ADAMTS17: variants seen among roughly 807,000 people sequenced by gnomAD.
The protein encoded by ADAMTS17 is A disintegrin and metalloproteinase with thrombospondin motifs 17.
ADAMTS17 carries 113 observed loss-of-function variants against 141.5 expected under a neutral mutation model. The ratio of observed to expected loss-of-function variants is 0.80; its 90% CI spans 0.69 to 0.93. ADAMTS17 has a LOEUF of 0.93. Ranked by LOEUF, ADAMTS17 falls within the 40% of genes least tolerant of loss-of-function variation. The pLI is 0.00. For synonymous variants in ADAMTS17, 768 were observed against 630.6 expected (o/e 1.22, Z -3.27); for missense variants, 1,659 against 1,517.9 (o/e 1.09, Z -1.54).
At chr15:100,152,803 C>A in intron 9 of ADAMTS17, 41 bp from the exon 10 acceptor site, 1 of 1,608,194 alleles carries the variant, frequency 6.2e-7, no homozygotes, top group South Asian at 1.1e-5. Flanking sequence ...AAATGTACTG[C>A]CTAGGTTTTT....
At chr15:100,297,009 G>C (rs75998889) in intron 3 of ADAMTS17, among the ~76,000 whole-genome samples, 1 of 152,168 alleles carries the variant, frequency 6.6e-6, no homozygotes, top group Non-Finnish European at 1.5e-5. Flanking sequence ...ACAATGCTAT[G>C]AGAAAATATA....
At chr15:100,106,817 A>G (rs915614301) in intron 14 of ADAMTS17, among the ~76,000 whole-genome samples, 3 of 152,196 alleles carry the variant, frequency 2.0e-5, no homozygotes, top group Non-Finnish European at 4.4e-5. Context: ...TTTACCAAGA[A>G]CCATCGGCGA....
intron 14 of ADAMTS17, among the ~76,000 whole-genome samples, chr15:100,104,291 T>C (rs1257074425): frequency 6.6e-6 from 1 of 152,222 alleles, no homozygotes; most frequent in Non-Finnish European, 1.5e-5. Context: ...TATAGGAGCT[T>C]GCTGAAAAAT....
intron 8 of ADAMTS17, among the ~76,000 whole-genome samples, chr15:100,169,243 A>G (rs771566426): frequency 6.6e-6 from 1 of 151,928 alleles, no homozygotes; most frequent in Non-Finnish European, 1.5e-5. Context: ...AACACATGCC[A>G]GGTATGACGC....
intron 3 of ADAMTS17, among the ~76,000 whole-genome samples, chr15:100,320,362 C>A (rs958933991): frequency 6.6e-6 from 1 of 152,190 alleles, no homozygotes; most frequent in Non-Finnish European, 1.5e-5. Context: ...ACGGGAAATG[C>A]TGCAGAACCC....
chr15:100,178,478 C>G (rs539498180), intron 8 of ADAMTS17, among the ~76,000 whole-genome samples: 8 of 152,268 alleles, frequency 5.3e-5, no homozygotes, highest in African/African-American at 1.7e-4. Flanking sequence ...TGTCTACATA[C>G]ATGAAATGTT....
intron 2 of ADAMTS17, among the ~76,000 whole-genome samples, chr15:100,338,129 A>C (rs1320468699): frequency 6.6e-6 from 1 of 152,248 alleles, no homozygotes; most frequent in Non-Finnish European, 1.5e-5. Flanking sequence ...TGAAGATCCA[A>C]AAGGCGCAGC....
intron 7 of ADAMTS17, among the ~76,000 whole-genome samples, chr15:100,233,286 C>T (rs548420179): frequency 3.9e-4 from 58 of 150,610 alleles, no homozygotes; most frequent in Non-Finnish European, 5.5e-4. Flanking sequence ...GCCAAGATTG[C>T]GCTATGGCAC....
chr15:100,291,886 G>T (rs894873520), intron 3 of ADAMTS17, among the ~76,000 whole-genome samples: 1 of 152,290 alleles, frequency 6.6e-6, no homozygotes, highest in African/African-American at 2.4e-5. Context: ...CCCACGATGC[G>T]ATTTATTTGT....
chr15:100,069,549 C>T (rs186879934), intron 15 of ADAMTS17, among the ~76,000 whole-genome samples: 18 of 152,124 alleles, frequency 1.2e-4, no homozygotes, highest in Non-Finnish European at 2.1e-4. Flanking sequence ...GATCTCTTGG[C>T]AGAAACTCTA....
chr15:100,285,019 T>A (rs2044401774), intron 3 of ADAMTS17, among the ~76,000 whole-genome samples: 1 of 152,182 alleles, frequency 6.6e-6, no homozygotes, highest in Admixed American at 6.5e-5. Flanking sequence ...CCTCAAGCCT[T>A]CTCCTGTTGT....
At chr15:100,168,160 G>A (rs956182016) in intron 8 of ADAMTS17, among the ~76,000 whole-genome samples, 2 of 152,176 alleles carry the variant, frequency 1.3e-5, no homozygotes, top group Non-Finnish European at 2.9e-5. Flanking sequence ...GGAGGGCTCC[G>A]AGGATGCAGC....
At chr15:100,315,272 G>A (rs544055831) in intron 3 of ADAMTS17, among the ~76,000 whole-genome samples, 1 of 152,178 alleles carries the variant, frequency 6.6e-6, no homozygotes, top group East Asian at 1.9e-4. Context: ...CGGCAGCCTC[G>A]GCTGCCAGCC....
chr15:100,137,490 G>A (rs1317326139), intron 10 of ADAMTS17, among the ~76,000 whole-genome samples: 1 of 152,184 alleles, frequency 6.6e-6, no homozygotes, highest in Admixed American at 6.5e-5. Context: ...TGGAGGTGGA[G>A]ATGCATTCAT....
At chr15:100,156,534 G>T (rs1385883495) in intron 8 of ADAMTS17, among the ~76,000 whole-genome samples, 1 of 152,192 alleles carries the variant, frequency 6.6e-6, no homozygotes, top group South Asian at 2.1e-4. Context: ...CGTCAGTGGA[G>T]GGGGGGCATC....
intron 8 of ADAMTS17, among the ~76,000 whole-genome samples, chr15:100,196,457 T>C (rs557291778): frequency 6.6e-6 from 1 of 152,336 alleles, no homozygotes; most frequent in East Asian, 1.9e-4. Flanking sequence ...AATCAGATTT[T>C]AGGGTAGCTG....
chr15:100,222,708 C>G (rs1254503975), intron 7 of ADAMTS17, among the ~76,000 whole-genome samples: 1 of 152,222 alleles, frequency 6.6e-6, no homozygotes, highest in Non-Finnish European at 1.5e-5. Context: ...CATGCCTGGA[C>G]AGAGGCCAAA....
chr15:100,025,531 C>T (rs1356255805), intron 18 of ADAMTS17, among the ~76,000 whole-genome samples: 3 of 151,824 alleles, frequency 2.0e-5, no homozygotes, highest in Admixed American at 6.6e-5. Flanking sequence ...CCTGCCTCAG[C>T]CTCCCCAGTA....
In ADAMTS17 at chr15:99,988,539, A is replaced by G. The variant is rs556730553; in HGVS notation, c.2949+4509T>C. On this transcript the variant is annotated intron_variant, in intron 20 of 21. Coordinates refer to ENST00000268070, the MANE Select transcript of ADAMTS17 (RefSeq NM_139057.4). ...TCACAGCAATGCAAAGTAGATTAAT[A>G]TAGCAACCAAGATGTCACAGAGGCC... Among the ~76,000 whole-genome samples, 15 of 152,320 alleles carry G rather than the reference A, an allele frequency of 9.8e-5. No homozygotes were observed. In the South Asian group the frequency reaches 3.1e-3, roughly 32 times the overall value.
Sources: gnomAD v4.1 joint callset for allele counts (sites outside exome capture counted in the v4.1 genomes callset) on GRCh38, gnomAD v4.1.1 for gene constraint, MANE v1.5 for transcripts, NCBI Gene and HGNC (gene_info 2026-07-23, HGNC 2026-07-21) for gene names.